Variants in CCNY observed in about 807,000 individuals in gnomAD.
CCNY encodes cyclin-Y.
CCNY carries 19 observed loss-of-function variants against 42.8 expected under a neutral mutation model. The ratio of observed to expected loss-of-function variants is 0.44; its 90% CI spans 0.31 to 0.65. CCNY has a LOEUF of 0.65. Among genes scored for constraint, CCNY ranks in the 30% least tolerant of loss-of-function variants. CCNY has a pLI of 0.07. For missense variants in CCNY, 370 were observed against 437.3 expected, an observed-to-expected ratio of 0.85 and a Z score of 1.37; for synonymous variants, 165 against 162.7, an observed-to-expected ratio of 1.01 and a Z score of -0.11.
At chr10:35,555,540 G>A (rs927864526) in intron 8 of CCNY, among the ~76,000 whole-genome samples, 159 of 152,266 alleles carry the variant, frequency 1.0e-3, no homozygotes, top group African/African-American at 3.6e-3. Flanking sequence ...ATTTTTCTGC[G>A]TTAATTCACA....
chr10:35,321,998 C>T (rs967250534), intron 3 of CCNY, among the ~76,000 whole-genome samples: 1 of 152,120 alleles, frequency 6.6e-6, no homozygotes, highest in Admixed American at 6.6e-5. Flanking sequence ...AAAAAATGAA[C>T]ATTGATTATT....
At chr10:35,490,756 G>A (rs115294642) in intron 2 of CCNY, among the ~76,000 whole-genome samples, 1 of 152,208 alleles carries the variant, frequency 6.6e-6, no homozygotes, top group Non-Finnish European at 1.5e-5. Context: ...ATTGAAGGTG[G>A]TTACCACAAC....
chr10:35,411,707 G>A (rs1369930344), intron 1 of CCNY, among the ~76,000 whole-genome samples: 3 of 152,040 alleles, frequency 2.0e-5, no homozygotes, highest in Admixed American at 6.6e-5. Context: ...ACCCCTACCT[G>A]GGAAAGAATG....
chr10:35,366,714 A>C (rs1190116653), intron 1 of CCNY, among the ~76,000 whole-genome samples: 1 of 152,224 alleles, frequency 6.6e-6, no homozygotes, highest in African/African-American at 2.4e-5. Context: ...CAGCACTGTT[A>C]TTAGAGCTTT....
At chr10:35,266,674 C>T (rs1262805392) in intron 3 of CCNY, among the ~76,000 whole-genome samples, 69 of 152,212 alleles carry the variant, frequency 4.5e-4, no homozygotes, top group Non-Finnish European at 2.5e-4. Context: ...CGGGGGGAAT[C>T]GTTAGCATCA....
At chr10:35,474,313 C>T (rs568335750) in intron 1 of CCNY, among the ~76,000 whole-genome samples, 154 of 152,358 alleles carry the variant, frequency 1.0e-3, no homozygotes, top group South Asian at 2.3e-3. Context: ...AGGAGGCCTG[C>T]GTGCCTCTGT....
intron 1 of CCNY, among the ~76,000 whole-genome samples, chr10:35,355,889 T>G (rs1836538793): frequency 6.6e-6 from 1 of 152,086 alleles, no homozygotes; most frequent in Non-Finnish European, 1.5e-5. Context: ...CATGAACATC[T>G]GTCAGCTTTC....
At chr10:35,494,888 G>C (rs909793773) in intron 2 of CCNY, among the ~76,000 whole-genome samples, 3 of 152,140 alleles carry the variant, frequency 2.0e-5, no homozygotes, top group African/African-American at 7.2e-5. Context: ...TATTAATAGT[G>C]ATTGTCTCTG....
chr10:35,333,151 A>C (rs750876831), upstream of CCNY, among the ~76,000 whole-genome samples: 17 of 151,940 alleles, frequency 1.1e-4, no homozygotes, highest in Admixed American at 6.6e-5. Flanking sequence ...CCATCTTCCT[A>C]ATCCTCCTCA....
At chr10:35,322,965 C>T (rs551756287) in intron 3 of CCNY, among the ~76,000 whole-genome samples, 11 of 152,242 alleles carry the variant, frequency 7.2e-5, no homozygotes, top group Middle Eastern at 3.4e-3. Flanking sequence ...CTCGCTCTGT[C>T]GCTCAGGCTG....
At chr10:35,251,589 C>CTTTTTTTTTTT (rs34197441) in intron 3 of CCNY, among the ~76,000 whole-genome samples, 1 of 139,346 alleles carries the variant, frequency 7.2e-6, no homozygotes, top group African/African-American at 2.6e-5. Flanking sequence ...TTCAATGTCA[C>CTTTTTTTTTTT]TTTTTTTTTT....
At chr10:35,322,460 C>CA (rs1477895769) in intron 3 of CCNY, among the ~76,000 whole-genome samples, 4 of 150,570 alleles carry the variant, frequency 2.7e-5, no homozygotes, top group Non-Finnish European at 4.4e-5. Flanking sequence ...TACACACACA[C>CA]AAAAAAACAA....
intron 1 of CCNY, among the ~76,000 whole-genome samples, chr10:35,399,230 T>C (rs1837590847): frequency 6.6e-6 from 1 of 152,130 alleles, no homozygotes; most frequent in African/African-American, 2.4e-5. Flanking sequence ...TGGATGTTCC[T>C]GTTGAGCATG....
At chr10:35,410,632 C>T (rs1837883109) in intron 1 of CCNY, among the ~76,000 whole-genome samples, 1 of 152,170 alleles carries the variant, frequency 6.6e-6, no homozygotes, top group Admixed American at 6.5e-5. Flanking sequence ...AGTTTCTGGA[C>T]ATTTGGAAAA....
intron 1 of CCNY, among the ~76,000 whole-genome samples, chr10:35,373,094 G>A (rs777590695): frequency 2.6e-5 from 4 of 152,234 alleles, no homozygotes; most frequent in Non-Finnish European, 4.4e-5. Flanking sequence ...GTAATAAAAT[G>A]TAGTAAGAAA....
intron 7 of CCNY, among the ~76,000 whole-genome samples, chr10:35,545,363 A>G (rs1283935622): frequency 6.6e-6 from 1 of 152,210 alleles, no homozygotes; most frequent in African/African-American, 2.4e-5. Flanking sequence ...CCTGGAGGCC[A>G]GAAGTCCGAA....
intron 1 of CCNY, among the ~76,000 whole-genome samples, chr10:35,418,688 C>G (rs1048841627): frequency 5.9e-4 from 90 of 152,164 alleles, no homozygotes; most frequent in African/African-American, 2.1e-3. Context: ...GCGAGCACAG[C>G]CTAGCAATTC....
chr10:35,469,242 T>A (rs1254094412), intron 1 of CCNY, among the ~76,000 whole-genome samples: 2 of 152,348 alleles, frequency 1.3e-5, no homozygotes, highest in African/African-American at 4.8e-5. Context: ...TTGCCACACT[T>A]ATAGGCATTT....
intron 3 of CCNY, among the ~76,000 whole-genome samples, chr10:35,269,957 C>T (rs768706902): frequency 4.4e-4 from 67 of 152,190 alleles, no homozygotes; most frequent in Non-Finnish European, 8.2e-4. Flanking sequence ...AGTACTAGAA[C>T]ATGAACATAA....
Sources: allele counts gnomAD v4.1 joint callset (sites outside exome capture counted in the v4.1 genomes callset), GRCh38; gene constraint gnomAD v4.1.1; transcripts MANE v1.5; gene names NCBI Gene and HGNC (gene_info 2026-07-23, HGNC 2026-07-21).